DDX3X: variants seen among roughly 807,000 people sequenced by gnomAD.
DDX3X encodes the protein ATP-dependent RNA helicase DDX3X.
In DDX3X, 4 loss-of-function variants were observed where a neutral mutation model predicts 52.7. The ratio of observed to expected loss-of-function variants is 0.08; its 90% CI spans 0.04 to 0.17. DDX3X has a LOEUF of 0.17. DDX3X is among the 10% of genes least tolerant of loss of function. DDX3X has a pLI of 1.00. For synonymous variants in DDX3X, 192 were observed against 178.1 expected (o/e 1.08, Z -0.62); for missense variants, 222 against 548.6 (o/e 0.40, Z 5.95).
Position 41,349,285 on chromosome X carries a change from ACTT to A in DDX3X, c.*1570_*1572del, listed in dbSNP as rs2063962398. ...TTTTGCCCATAACTTTTTACAAAGT[ACTT>A]CTTTTATTGCACATTCAGAGAATTT... On this transcript the variant is annotated 3_prime_UTR_variant, in exon 17 of 17. Coordinates refer to ENST00000644876, the MANE Select transcript of DDX3X (RefSeq NM_001356.5). 1 of 112,308 alleles carries A rather than the reference ACTT, an allele frequency of 8.9e-6. No homozygotes were observed. The highest frequency in any genetic ancestry group is 1.9e-5 in the Non-Finnish European group (1 of 53,260). 9.3% of individuals were successfully genotyped at this position (112,308 alleles called of 1,213,427 possible).
rs751416043 is a variant in DDX3X, at chrX:41,343,365, A to G, written c.679+14A>G. ...GTGCCCAAACAGGTAAGCTCAACTC[A>G]TAAGAGTAAAACATCATATTTCTTC... On this transcript the variant is annotated intron_variant, in intron 7 of 16. Coordinates refer to ENST00000644876, the MANE Select transcript of DDX3X (RefSeq NM_001356.5). The G allele has an allele frequency of 2.1e-5, 25 of 1,176,270 alleles. No homozygotes were observed. In the African/African-American group the frequency reaches 3.4e-4, roughly 16 times the overall value.
chrX:41,345,083 C>T (rs2063905806), intron 10 of DDX3X, 97 bp from the exon 11 acceptor site: 3 of 854,080 alleles, frequency 3.5e-6, no homozygotes, highest in Admixed American at 5.2e-5. Flanking sequence ...ATAACCTATA[C>T]AATTGTATTT....
downstream of DDX3X, chrX:41,351,270 T>G (rs1246586237): frequency 9.0e-6 from 1 of 111,577 alleles, no homozygotes. Context: ...TCTAGCATGG[T>G]TAGGATTATG....
At chrX:41,335,231 G>C (rs769937551) in intron 1 of DDX3X, 1 of 111,239 alleles carries the variant, frequency 9.0e-6, no homozygotes, top group South Asian at 3.7e-4. Flanking sequence ...GGAGTCCCGC[G>C]TTGTTTTTCT....
Position 41,341,479 on chromosome X carries a change from C to G in DDX3X, c.152-5C>G, listed in dbSNP as rs139960681. On this transcript the variant is annotated splice_polypyrimidine_tract_variant and splice_region_variant and intron_variant, in intron 3 of 16. Transcript: ENST00000644876. ...TAAAATGTATTTGTGCTTTTTTAAT[C>G]AAAGGTTTCTACGATAAAGACAGTT... 105 of 1,189,515 alleles carry G rather than the reference C, an allele frequency of 8.8e-5. 1 individual carries two copies. The East Asian group carries it at 3.0e-3, about 34-fold the overall frequency.
At chrX:41,334,612 T>TTA (rs1174329394) in intron 1 of DDX3X, 1 of 1,088,438 alleles carries the variant, frequency 9.2e-7, no homozygotes, top group Non-Finnish European at 1.2e-6. Context: ...TCCCGACTGA[T>TTA]TAGTGACCTG....
At chrX:41,334,075 G>A, upstream of DDX3X, 1 of 456,712 alleles carries the variant, frequency 2.2e-6, no homozygotes, top group South Asian at 3.5e-5. Flanking sequence ...GGGAATTGCG[G>A]TGTGAGAGGG....
chrX:41,333,354 C>T (rs1478439649), upstream of DDX3X: 2 of 109,989 alleles, frequency 1.8e-5, no homozygotes, highest in Admixed American at 9.5e-5. Context: ...CTCCATTTCC[C>T]CCCGACTCCC....
rs1178740291 is a variant in DDX3X at position 41,334,543 on chromosome X, C to T, written c.45+246C>T. ...CAATGGCGGCTTTTGTGTGTGCGTG[C>T]GCAGGCGGGCGGAGGGGGAGGAAGT... On this transcript the variant is annotated intron_variant, in intron 1 of 16. Coordinates refer to ENST00000644876, the MANE Select transcript of DDX3X (RefSeq NM_001356.5). 8 of 1,092,159 alleles carry T rather than the reference C, an allele frequency of 7.3e-6. No homozygotes were observed. The African/African-American group carries it at 1.3e-4, about 18-fold the overall frequency. 90.0% of individuals were successfully genotyped at this position (1,092,159 alleles called of 1,213,427 possible).
chrX:41,356,585 A>G (rs1253385226), intron 5 of DDX3X, among the ~76,000 whole-genome samples: 2 of 104,863 alleles, frequency 1.9e-5, no homozygotes, highest in Non-Finnish European at 3.9e-5. Context: ...CAGCCTCCTG[A>G]GTAGCTGGGA....
chrX:41,345,261 T>C lies in DDX3X; in HGVS notation c.1107T>C (p.Thr369=). ...TTCGTAGAATAGTCGAACAAGATAC[T>C]ATGCCTCCAAAGGGTGTCCGCCACA... is the stretch of plus-strand genomic sequence containing the variant. ...PQIRRIVEQD[T]MPPKGVRHTM... Residue 369 remains threonine, a synonymous_variant, in exon 11 of 17, where the codon ACT becomes ACC. Coordinates refer to ENST00000644876, the MANE Select transcript of DDX3X (RefSeq NM_001356.5). 1 of 1,210,941 alleles carries C rather than the reference T, an allele frequency of 8.3e-7. No homozygotes were observed. The highest frequency in any genetic ancestry group is 1.1e-6 in the Non-Finnish European group (1 of 894,604).
In DDX3X at chrX:41,342,757, A is replaced by G. The variant is rs2147350829; in HGVS notation, c.464A>G (p.Asn155Ser). ...RLEQELFSGGNTGINFEKYDD... is the reference protein window; with the variant it reads ...RLEQELFSGGSTGINFEKYDD... ...TTGAGGGAACTCTTTTCTGGAGGCA[A>G]CACTGGGATTAATTTTGAGAAATAC... The change falls in exon 6 of 17, where the codon AAC becomes AGC. Residue 155 changes from asparagine (N) to serine (S), a missense_variant. Around this residue, in one of 5 missense-constraint regions of DDX3X, gnomAD observed 73 missense variants for 301.4 expected, o/e 0.24. Coordinates refer to ENST00000644876, the MANE Select transcript of DDX3X (RefSeq NM_001356.5). The G allele has an allele frequency of 8.3e-7, 1 of 1,211,607 alleles. No homozygotes were observed. Among genetic ancestry groups the G allele is most frequent in the Non-Finnish European group, 1.1e-6 (1 of 895,077 alleles).
At chrX:41,341,991 C>A (rs1461322868) in intron 4 of DDX3X, 1 of 160,645 alleles carries the variant, frequency 6.2e-6, no homozygotes. Context: ...GTGGTTAGTC[C>A]TGTGTCCTGA....
rs1369281442 is a variant in DDX3X, at chrX:41,341,514, G to A, written c.182G>A (p.Ser61Asn). 4.1e-6 allele frequency: 5 copies of A among 1,208,233 alleles called. No individual in the cohort carries two copies. In the East Asian group the frequency reaches 1.5e-4, roughly 36 times the overall value. Reference protein sequence around the residue: ...GFYDKDSSGWSSSKDKDAYSS... With the variant: ...GFYDKDSSGWNSSKDKDAYSS... ...TACGATAAAGACAGTTCAGGGTGGA[G>A]TTCTAGCAAAGATAAGGATGCGTAT... The change falls in exon 4 of 17, where the codon AGT (serine) becomes AAT (asparagine). Residue 61 changes from serine (S) to asparagine (N), a missense_variant. Physicochemically the swap from Ser to Asn is conservative, Grantham distance 46 (BLOSUM62 1). Around this residue, in one of 5 missense-constraint regions of DDX3X, gnomAD observed 93 missense variants for 123.7 expected, o/e 0.75. Coordinates refer to ENST00000644876, the MANE Select transcript of DDX3X (RefSeq NM_001356.5).
At chrX:41,342,210 G>A (rs1268217239) in intron 4 of DDX3X, 2 of 265,872 alleles carry the variant, frequency 7.5e-6, no homozygotes, top group Non-Finnish European at 1.3e-5. Context: ...AAGGTTGTGA[G>A]CTGTGTGCCG....
chrX:41,350,742 C>G (rs1369135552), downstream of DDX3X: 2 of 111,481 alleles, frequency 1.8e-5, no homozygotes, highest in African/African-American at 3.3e-5. Context: ...GCCTGGGCAA[C>G]GTATAGCAAG....
chrX:41,355,701 A>G (rs1277628910), intron 5 of DDX3X, among the ~76,000 whole-genome samples: 1 of 103,248 alleles, frequency 9.7e-6, no homozygotes, highest in East Asian at 3.1e-4. Flanking sequence ...CCAGTCTTGA[A>G]TTTCTGGGCT....
chrX:41,341,143 G>T (rs1039606395), intron 3 of DDX3X: 1 of 158,954 alleles, frequency 6.3e-6, no homozygotes, highest in Non-Finnish European at 1.2e-5. Flanking sequence ...GGGCCACCAC[G>T]CCTGGCTAAT....
intron 3 of DDX3X, 194 bp downstream of exon 3, chrX:41,339,277 G>A (rs901987118): frequency 4.7e-6 from 1 of 214,875 alleles, no homozygotes; most frequent in Non-Finnish European, 8.8e-6. Context: ...TGGGAAATTC[G>A]GCATTCCTAT....
Sources: gnomAD v4.1 joint callset for allele counts (sites outside exome capture counted in the v4.1 genomes callset) on GRCh38, gnomAD v4.1.1 for gene constraint, gnomAD v4.1.1 regional missense constraint, MANE v1.5 for transcripts, NCBI Gene and HGNC (gene_info 2026-07-23, HGNC 2026-07-21) for gene names.